Variants in GPR180 observed in about 807,000 individuals in gnomAD.
GPR180 encodes integral membrane protein GPR180.
Under a neutral mutation model 52.6 loss-of-function variants are expected in GPR180, and 53 were observed. The observed-to-expected ratio is 1.01, with a 90% CI of 0.81 to 1.27. GPR180 has a LOEUF of 1.27. Ranked by LOEUF, GPR180 falls within the 50% of genes most tolerant of loss-of-function variation. The pLI is 0.00. For synonymous variants in GPR180, 200 were observed against 193.1 expected, an observed-to-expected ratio of 1.04 and a Z score of -0.30; for missense variants, 533 against 527.0, an observed-to-expected ratio of 1.01 and a Z score of -0.11.
intron 7 of GPR180, among the ~76,000 whole-genome samples, chr13:94,623,915 A>T (rs1468387166): frequency 6.6e-6 from 1 of 152,196 alleles, no homozygotes; most frequent in Non-Finnish European, 1.5e-5. Flanking sequence ...TTAAATTTTT[A>T]AAATCAAATA....
At position 94,605,522 on chromosome 13, in the gene GPR180, GA is replaced by G; in HGVS notation, c.282del (p.Lys94AsnfsTer7). ...AAGCAGTCATGGTTATAGCTGTAGT[GA>G]AAAATTATCCAAAGCTCAGTTGACA... The part of the protein sequence containing the change: ...QQSSHGYSCS[E>X]KLSKAQLTMT... On this transcript the variant is annotated frameshift_variant, in exon 2 of 9. Coordinates refer to ENST00000376958, the MANE Select transcript of GPR180 (RefSeq NM_180989.6). LOFTEE classifies it high-confidence loss of function. 1.2e-6 allele frequency: 2 copies of G among 1,612,940 alleles called. No individual in the cohort carries two copies. Among genetic ancestry groups the G allele is most frequent in the Middle Eastern group, 1.7e-4 (1 of 6,056 alleles).
chr13:94,624,617 G>A (rs1889898758), intron 7 of GPR180, among the ~76,000 whole-genome samples: 1 of 152,210 alleles, frequency 6.6e-6, no homozygotes, highest in South Asian at 2.1e-4. Flanking sequence ...GAGTGCAGTG[G>A]CGTGATCTCG....
chr13:94,607,936 G>A (rs1274544569), intron 2 of GPR180, among the ~76,000 whole-genome samples: 1 of 152,114 alleles, frequency 6.6e-6, no homozygotes, highest in Non-Finnish European at 1.5e-5. Context: ...TTGTTTGGCT[G>A]GTTGTTAGCT....
chr13:94,626,870 T>C, intron 8 of GPR180, 143 bp from the exon 9 acceptor site: 1 of 630,936 alleles, frequency 1.6e-6, no homozygotes, highest in Non-Finnish European at 2.5e-6. Flanking sequence ...GTCAGAAAAT[T>C]TTTTTGATAA....
At chr13:94,614,393 T>C (rs1889750921) in intron 3 of GPR180, among the ~76,000 whole-genome samples, 1 of 152,244 alleles carries the variant, frequency 6.6e-6, no homozygotes. Context: ...CATGAGACTT[T>C]TCTGGATCCT....
intron 7 of GPR180, among the ~76,000 whole-genome samples, chr13:94,625,281 T>C (rs1156982508): frequency 2.0e-5 from 3 of 152,258 alleles, no homozygotes; most frequent in Admixed American, 1.3e-4. Context: ...TTCTGGAGTT[T>C]TAAGTATATA....
At chr13:94,618,420 A>ATTT (rs570807308) in intron 3 of GPR180, among the ~76,000 whole-genome samples, 1,128 of 87,082 alleles carry the variant, frequency 0.013, 223 homozygotes, top group African/African-American at 0.066. Context: ...TCAGCACAGG[A>ATTT]TTTTTTTTTT....
chr13:94,602,224 C>A (rs1223779692), intron 1 of GPR180, 152 bp downstream of exon 1: 6 of 737,840 alleles, frequency 8.1e-6, no homozygotes, highest in Non-Finnish European at 9.5e-6. Flanking sequence ...GCAGCAGCTG[C>A]CGCGAATGGT....
chr13:94,625,371 A>G (rs1412169819), intron 7 of GPR180, among the ~76,000 whole-genome samples: 3 of 151,984 alleles, frequency 2.0e-5, no homozygotes, highest in Admixed American at 6.6e-5. Flanking sequence ...TTTTCTCCCT[A>G]TATCTTTAAT....
intron 2 of GPR180, among the ~76,000 whole-genome samples, chr13:94,607,417 T>C (rs1461954350): frequency 6.6e-6 from 1 of 151,254 alleles, no homozygotes; most frequent in Non-Finnish European, 1.5e-5. Context: ...GGCTGCTGCT[T>C]ACCTCTCCGT....
intron 3 of GPR180, among the ~76,000 whole-genome samples, chr13:94,615,280 A>T (rs12584015): frequency 6.6e-6 from 1 of 152,240 alleles, no homozygotes; most frequent in African/African-American, 2.4e-5. Context: ...AAAATGTTCA[A>T]TTCATTTTAG....
At chr13:94,604,741 AT>A (rs112593382) in intron 1 of GPR180, among the ~76,000 whole-genome samples, 257 of 146,170 alleles carry the variant, frequency 1.8e-3, no homozygotes, top group Non-Finnish European at 1.7e-3. Flanking sequence ...AGCCCAGCTA[AT>A]TTTTTTTTTT....
At chr13:94,624,309 C>G (rs1400594464) in intron 7 of GPR180, among the ~76,000 whole-genome samples, 1 of 152,180 alleles carries the variant, frequency 6.6e-6, no homozygotes, top group Non-Finnish European at 1.5e-5. Context: ...GGCAGCCCAC[C>G]TTGTCCAGAG....
chr13:94,626,961 T>C lies in GPR180; in HGVS notation c.1165-52T>C, dbSNP rs533863236. ...TATAGATTCATAATAAATTGAATAT[T>C]ATTTCTCTATTTCTGCATGTAGTAA... On this transcript the variant is annotated intron_variant, in intron 8 of 8. Coordinates refer to ENST00000376958, the MANE Select transcript of GPR180 (RefSeq NM_180989.6). The C allele has an allele frequency of 1.2e-5, 15 of 1,276,772 alleles. No homozygotes were observed. The East Asian group carries it at 3.3e-4, about 28-fold the overall frequency. 79.1% of individuals were successfully genotyped at this position (1,276,772 alleles called of 1,614,324 possible). A position where few individuals can be genotyped will look rare whatever the true frequency, so the allele number is the denominator to read the frequency against.
At chr13:94,606,984 C>A (rs569581788) in intron 2 of GPR180, among the ~76,000 whole-genome samples, 8 of 152,328 alleles carry the variant, frequency 5.3e-5, no homozygotes, top group Admixed American at 1.3e-4. Context: ...TGTAAAAGGT[C>A]ATGTCCTTCA....
chr13:94,605,340 T>G (rs1246246627), intron 1 of GPR180, 51 bp from the exon 2 acceptor site: 9 of 1,574,900 alleles, frequency 5.7e-6, no homozygotes, highest in Non-Finnish European at 7.9e-6. Flanking sequence ...TCCTCATGTC[T>G]CAGTTTCATG....
intron 1 of GPR180, among the ~76,000 whole-genome samples, chr13:94,603,488 A>T (rs1889586802): frequency 6.6e-6 from 1 of 152,210 alleles, no homozygotes; most frequent in Non-Finnish European, 1.5e-5. Context: ...TCATATGTGT[A>T]AAATCACATA....
intron 2 of GPR180, among the ~76,000 whole-genome samples, chr13:94,610,044 A>G (rs1361308698): frequency 1.3e-5 from 2 of 152,196 alleles, no homozygotes; most frequent in Admixed American, 6.5e-5. Flanking sequence ...CTTAGACTCA[A>G]TAATTGTTAA....
At chr13:94,605,023 A>G (rs1889611475) in intron 1 of GPR180, among the ~76,000 whole-genome samples, 1 of 152,190 alleles carries the variant, frequency 6.6e-6, no homozygotes. Flanking sequence ...CACCTATGTC[A>G]TATTAAAAAA....
Sources: allele counts gnomAD v4.1 joint callset (sites outside exome capture counted in the v4.1 genomes callset), GRCh38; gene constraint gnomAD v4.1.1; transcripts MANE v1.5; gene names NCBI Gene and HGNC (gene_info 2026-07-23, HGNC 2026-07-21).